The following BICRAL variants were observed in gnomAD, a reference collection of about 807,000 sequenced individuals.
The protein encoded by BICRAL is BICRA like chromatin remodeling complex associated protein.
In BICRAL, 8 loss-of-function variants were observed where a neutral mutation model predicts 91.8. The observed-to-expected ratio is 0.09, with a 90% confidence interval of 0.05 to 0.16. BICRAL has a LOEUF of 0.16. BICRAL is among the 10% of genes least tolerant of loss of function. The pLI, the probability that BICRAL is intolerant of heterozygous loss-of-function variation, is 1.00. For synonymous variants in BICRAL, 445 were observed against 491.1 expected (o/e 0.91, Z 1.24); for missense variants, 1,038 against 1,310.9 (o/e 0.79, Z 3.21).
chr6:42,788,427 AG>A (rs1236228992), intron 1 of BICRAL, among the ~76,000 whole-genome samples: 5 of 151,970 alleles, frequency 3.3e-5, no homozygotes, highest in Admixed American at 2.0e-4. Flanking sequence ...CCACCATGTT[AG>A]CCAGGCTGGT....
chr6:42,830,772 C>T (rs758985546), intron 6 of BICRAL, among the ~76,000 whole-genome samples: 1 of 152,058 alleles, frequency 6.6e-6, no homozygotes, highest in African/African-American at 2.4e-5. Flanking sequence ...CATACCAGCA[C>T]ACCTAACTAG....
chr6:42,853,851 C>A lies in BICRAL; in HGVS notation c.2046+113C>A, dbSNP rs1268773079. On this transcript the variant is annotated intron_variant, in intron 8 of 12. Transcript: ENST00000314073. ...CTTTGTGTGCACAGTCCACCCAGTC[C>A]CCTGTGTGCCCACAACAGGGTGGTC... 8.2e-6 allele frequency: 6 copies of A among 734,466 alleles called. No individual in the cohort carries two copies. In the East Asian group the frequency reaches 1.6e-4, roughly 20 times the overall value. The allele number at this position is 734,466 out of a possible 1,614,324, so 45.5% of individuals were successfully genotyped here. A position where few individuals can be genotyped will look rare whatever the true frequency, so the allele number is the denominator to read the frequency against.
chr6:42,809,517 A>G (rs949703392), intron 1 of BICRAL, among the ~76,000 whole-genome samples: 4 of 146,844 alleles, frequency 2.7e-5, no homozygotes, highest in African/African-American at 1.0e-4. Context: ...GCTCACGGCA[A>G]CCTCTGCCTC....
At chr6:42,754,812 G>T (rs1269361464) in intron 1 of BICRAL, among the ~76,000 whole-genome samples, 2 of 152,160 alleles carry the variant, frequency 1.3e-5, no homozygotes, top group Admixed American at 6.5e-5. Context: ...TAGGAAGCTC[G>T]CTTGATCCCA....
intron 5 of BICRAL, 95 bp downstream of exon 5, chr6:42,823,098 C>T (rs1467867951): frequency 2.8e-6 from 2 of 724,852 alleles, no homozygotes; most frequent in Non-Finnish European, 4.9e-6. Context: ...TCATGAGAAT[C>T]CTTACCTTGT....
At chr6:42,751,903 C>T (rs1320136646) in intron 1 of BICRAL, among the ~76,000 whole-genome samples, 1 of 151,648 alleles carries the variant, frequency 6.6e-6, no homozygotes, top group African/African-American at 2.4e-5. Flanking sequence ...ATGATCCGCC[C>T]GCCTCAGCTT....
rs370636563 is a variant in BICRAL at position 42,829,189 on chromosome 6, A to G, written c.856A>G (p.Asn286Asp). 1.2e-6 allele frequency: 2 copies of G among 1,613,996 alleles called. No individual in the cohort carries two copies. The highest frequency in any genetic ancestry group is 1.3e-5 in the African/African-American group (1 of 74,898). Reference protein sequence around the residue: ...QPVTVPFNSTNFQTSLPVHNI... With the variant: ...QPVTVPFNSTDFQTSLPVHNI... Reference sequence around the variant, plus strand: ...TGTTACCGTTCCATTTAACAGCACAAATTTTCAAACATCTTTACCTGTGCA... The same window carrying G: ...TGTTACCGTTCCATTTAACAGCACAGATTTTCAAACATCTTTACCTGTGCA... The change falls in exon 6 of 13, where the codon AAT (asparagine) becomes GAT (aspartate). Residue 286 changes from asparagine to aspartate, a missense_variant. Around this residue, in one of 5 missense-constraint regions of BICRAL, gnomAD observed 532 missense variants for 724.9 expected, o/e 0.73. Coordinates refer to ENST00000314073, the MANE Select transcript of BICRAL (RefSeq NM_001393499.1).
At chr6:42,753,637 G>A (rs1762415493) in intron 1 of BICRAL, among the ~76,000 whole-genome samples, 1 of 151,904 alleles carries the variant, frequency 6.6e-6, no homozygotes, top group South Asian at 2.1e-4. Context: ...TTTCAGACAG[G>A]GTCTCACTCT....
chr6:42,783,869 G>C (rs1372015756), intron 1 of BICRAL, among the ~76,000 whole-genome samples: 1 of 152,208 alleles, frequency 6.6e-6, no homozygotes, highest in Non-Finnish European at 1.5e-5. Flanking sequence ...GTCTGAGAGT[G>C]GACGTCTTTG....
In BICRAL at chr6:42,752,912, CTTTTTT is replaced by C. The variant is rs57864510; in HGVS notation, c.-261+5907_-261+5912del. ...GCCACAGTGCCCTGCCCCCAGCTGA[CTTTTTT>C]TTTTTTTTTTTTTTTTTGGTTGGGG... On this transcript the variant is annotated intron_variant, in intron 1 of 14. Coordinates refer to the BICRAL transcript ENST00000614467. Among the ~76,000 whole-genome samples the C allele has an allele frequency of 6.4e-3, 527 of 82,224 alleles. 3 individuals are homozygous for C. The highest frequency in any genetic ancestry group is 0.025 in the African/African-American group (500 of 20,152). The allele number at this position is 82,224 out of a possible 152,430, so 53.9% of individuals were successfully genotyped here.
chr6:42,808,132 CT>C (rs756290983), intron 1 of BICRAL, among the ~76,000 whole-genome samples: 3,893 of 139,006 alleles, frequency 0.028, 75 homozygotes, highest in African/African-American at 0.064. Context: ...ACTATAATAT[CT>C]TTTTTTTTTT....
chr6:42,796,771 G>C (rs979964139), intron 1 of BICRAL, among the ~76,000 whole-genome samples: 2 of 151,990 alleles, frequency 1.3e-5, no homozygotes, highest in African/African-American at 2.4e-5. Flanking sequence ...CTGTCGGCCG[G>C]GTGCAGTGCT....
At chr6:42,783,164 C>T (rs966265825) in intron 1 of BICRAL, among the ~76,000 whole-genome samples, 1 of 151,474 alleles carries the variant, frequency 6.6e-6, no homozygotes, top group African/African-American at 2.4e-5. Context: ...CCCGCGGCGG[C>T]GGCGCGCACC....
chr6:42,820,000 A>G (rs966950765), intron 2 of BICRAL, among the ~76,000 whole-genome samples: 2 of 152,166 alleles, frequency 1.3e-5, no homozygotes, highest in African/African-American at 2.4e-5. Flanking sequence ...ATCTCATTCA[A>G]TATTATAAAA....
At chr6:42,799,534 T>C (rs1214691306) in intron 1 of BICRAL, among the ~76,000 whole-genome samples, 1 of 151,436 alleles carries the variant, frequency 6.6e-6, no homozygotes, top group African/African-American at 2.4e-5. Context: ...GACCTTGTGA[T>C]CCATGAGCCT....
intron 8 of BICRAL, among the ~76,000 whole-genome samples, chr6:42,854,410 C>G (rs1477023072): frequency 6.6e-6 from 1 of 152,174 alleles, no homozygotes; most frequent in Non-Finnish European, 1.5e-5. Context: ...TCTCAAACTC[C>G]TGGGCCCAAG....
chr6:42,794,411 CTGTGTGTGTGTG>C (rs67384767), intron 1 of BICRAL, among the ~76,000 whole-genome samples: 179 of 146,508 alleles, frequency 1.2e-3, no homozygotes, highest in African/African-American at 3.0e-3. Context: ...TTCACTTACT[CTGTGTGTGTGTG>C]TGTGTGTGTG....
rs1310804569 is a variant in BICRAL at position 42,858,511 on chromosome 6, G to GT, written c.2254+1279dup. 8.7e-5 allele frequency among the ~76,000 whole-genome samples: 8 copies of GT among 91,758 alleles called. No individual in the cohort carries two copies. In the East Asian group the frequency reaches 1.9e-3, roughly 22 times the overall value. The allele number at this position is 91,758 out of a possible 152,430, so 60.2% of individuals were successfully genotyped here. ...AGCCTGGATAACAGAGCAAGACTCT[G>GT]TTTTAAAAAAAAAAAAAAAAAAAAG... On this transcript the variant is annotated intron_variant, in intron 10 of 12. Transcript: ENST00000314073.
intron 3 of BICRAL, among the ~76,000 whole-genome samples, chr6:42,822,370 A>C (rs1368681395): frequency 6.6e-6 from 1 of 150,812 alleles, no homozygotes; most frequent in Non-Finnish European, 1.5e-5. Flanking sequence ...CCTCCCAAGT[A>C]GCGGGGACTA....
Sources: allele counts gnomAD v4.1 joint callset (sites outside exome capture counted in the v4.1 genomes callset), GRCh38; gene constraint gnomAD v4.1.1; regional missense constraint gnomAD v4.1.1; transcripts MANE v1.5; gene names NCBI Gene and HGNC (gene_info 2026-07-23, HGNC 2026-07-21).